The following TMEM232 variants were observed in gnomAD, a reference collection of about 807,000 sequenced individuals.
TMEM232 encodes transmembrane protein 232.
TMEM232 carries 80 observed loss-of-function variants against 78.8 expected under a neutral mutation model. The observed-to-expected ratio is 1.01, with a 90% CI of 0.85 to 1.22. The LOEUF (loss-of-function observed/expected upper bound fraction) is 1.22, where lower values mean the gene tolerates loss of function less well. Ranked by LOEUF, TMEM232 falls within the 50% of genes most tolerant of loss-of-function variation. The pLI, the probability that TMEM232 is intolerant of heterozygous loss-of-function variation, is 0.00. For synonymous variants in TMEM232, 297 were observed against 254.3 expected (o/e 1.17, Z -1.60); for missense variants, 881 against 742.2 (o/e 1.19, Z -2.17).
At chr5:110,568,245 G>A (rs1776556905) in intron 11 of TMEM232, among the ~76,000 whole-genome samples, 1 of 151,800 alleles carries the variant, frequency 6.6e-6, no homozygotes, top group African/African-American at 2.4e-5. Context: ...ACAGATTTTG[G>A]TGGCCTTTAC....
At chr5:110,703,692 C>T (rs1795655048) in intron 1 of TMEM232, among the ~76,000 whole-genome samples, 1 of 152,004 alleles carries the variant, frequency 6.6e-6, no homozygotes, top group South Asian at 2.1e-4. Context: ...CAGGTAACTC[C>T]CTCTTGGGGA....
At chr5:110,605,428 T>C in intron 9 of TMEM232, 70 bp from the exon 10 acceptor site, 1 of 1,444,866 alleles carries the variant, frequency 6.9e-7, no homozygotes, top group East Asian at 2.5e-5. Flanking sequence ...ACAGTGTACT[T>C]ATAATAATTG....
intron 7 of TMEM232, among the ~76,000 whole-genome samples, chr5:110,620,855 G>A (rs1484360354): frequency 7.3e-6 from 1 of 136,458 alleles, no homozygotes; most frequent in East Asian, 2.1e-4. Context: ...TGTATTTCAA[G>A]CGCTTTTTTT....
intron 11 of TMEM232, among the ~76,000 whole-genome samples, chr5:110,560,078 A>T (rs999567065): frequency 5.9e-5 from 9 of 152,164 alleles, no homozygotes; most frequent in Non-Finnish European, 1.0e-4. Context: ...TATGATTCAT[A>T]TTCTGAAATA....
intron 1 of TMEM232, among the ~76,000 whole-genome samples, chr5:110,735,975 G>A (rs1799119441): frequency 6.6e-6 from 1 of 152,170 alleles, no homozygotes; most frequent in Admixed American, 6.5e-5. Context: ...GAACTATCCA[G>A]CGAAGCCACT....
intron 10 of TMEM232, among the ~76,000 whole-genome samples, chr5:110,568,959 A>T (rs1776627126): frequency 6.6e-6 from 1 of 151,962 alleles, no homozygotes; most frequent in Non-Finnish European, 1.5e-5. Flanking sequence ...GTTCAAAGGA[A>T]TATGAACACA....
intron 12 of TMEM232, among the ~76,000 whole-genome samples, chr5:110,503,963 T>C (rs954376509): frequency 6.6e-6 from 1 of 152,214 alleles, no homozygotes; most frequent in Non-Finnish European, 1.5e-5. Context: ...TATGTCTCTT[T>C]TTTCTTTCTT....
At chr5:110,393,124 G>T (rs199884282) in intron 3 of TMEM232, among the ~76,000 whole-genome samples, 2 of 152,166 alleles carry the variant, frequency 1.3e-5, no homozygotes, top group East Asian at 3.8e-4. Context: ...ATGTACACTT[G>T]TGTATTCTGC....
chr5:110,391,320 T>TGAGAGA (rs1433740681), intron 3 of TMEM232, among the ~76,000 whole-genome samples: 118 of 139,446 alleles, frequency 8.5e-4, no homozygotes, highest in African/African-American at 3.4e-3. Flanking sequence ...TGTGTGTGTG[T>TGAGAGA]GTGTGTGAGA....
At chr5:110,473,743 G>A (rs13359441) in intron 12 of TMEM232, among the ~76,000 whole-genome samples, 15,966 of 149,488 alleles carry the variant, frequency 0.11, 1,016 homozygotes, top group South Asian at 0.19. Flanking sequence ...TGTAAGTGTC[G>A]ATCAATGGAA....
chr5:110,691,006 G>C (rs1794052633), intron 1 of TMEM232, among the ~76,000 whole-genome samples: 2 of 151,984 alleles, frequency 1.3e-5, no homozygotes, highest in African/African-American at 4.8e-5. Context: ...ATAGCAATAG[G>C]AGAAATACCT....
chr5:110,405,752 A>T (rs1755767544), intron 2 of TMEM232, among the ~76,000 whole-genome samples: 1 of 151,164 alleles, frequency 6.6e-6, no homozygotes, highest in African/African-American at 2.4e-5. Flanking sequence ...AAAAGGAAAA[A>T]GTAAACAGGC....
intron 2 of TMEM232, among the ~76,000 whole-genome samples, chr5:110,647,385 C>T (rs1374409141): frequency 6.6e-6 from 1 of 151,904 alleles, no homozygotes; most frequent in Non-Finnish European, 1.5e-5. Context: ...TTACACATTT[C>T]CTTTTGTCCA....
intron 10 of TMEM232, among the ~76,000 whole-genome samples, chr5:110,571,760 T>A (rs911302023): frequency 6.6e-6 from 1 of 151,460 alleles, no homozygotes; most frequent in African/African-American, 2.4e-5. Flanking sequence ...CAGGAGGCTG[T>A]GTTGGGAAGA....
At chr5:110,474,221 C>G (rs565971273) in intron 12 of TMEM232, among the ~76,000 whole-genome samples, 11 of 151,946 alleles carry the variant, frequency 7.2e-5, no homozygotes, top group Admixed American at 5.9e-4. Context: ...ATAACATGTA[C>G]TTACACTGAA....
chr5:110,644,754 T>C (rs1164987058), intron 2 of TMEM232, among the ~76,000 whole-genome samples: 1 of 151,132 alleles, frequency 6.6e-6, no homozygotes, highest in Non-Finnish European at 1.5e-5. Flanking sequence ...AAATAATAAA[T>C]ATAAGAAGTA....
intron 12 of TMEM232, among the ~76,000 whole-genome samples, chr5:110,465,638 T>C (rs1190612759): frequency 3.3e-5 from 5 of 152,218 alleles, no homozygotes; most frequent in Non-Finnish European, 5.9e-5. Flanking sequence ...CTAACACATA[T>C]AGACAACTAA....
chr5:110,570,731 T>C (rs904625195), intron 10 of TMEM232, among the ~76,000 whole-genome samples: 1 of 152,042 alleles, frequency 6.6e-6, no homozygotes, highest in Non-Finnish European at 1.5e-5. Flanking sequence ...TGCTTCACCA[T>C]TACTAATCCA....
chr5:110,703,773 T>A (rs141961065), intron 1 of TMEM232, among the ~76,000 whole-genome samples: 199 of 152,172 alleles, frequency 1.3e-3, no homozygotes, highest in African/African-American at 4.7e-3. Context: ...GTTTGTAAAA[T>A]CAGGCCCATT....
Sources: gnomAD v4.1 joint callset for allele counts (sites outside exome capture counted in the v4.1 genomes callset) on GRCh38, gnomAD v4.1.1 for gene constraint, MANE v1.5 for transcripts, NCBI Gene and HGNC (gene_info 2026-07-23, HGNC 2026-07-21) for gene names.